The following SCHIP1 variants were observed in gnomAD, a reference collection of about 807,000 sequenced individuals.
SCHIP1 encodes the protein schwannomin interacting protein 1.
In SCHIP1, 8 loss-of-function variants were observed where a neutral mutation model predicts 29.7. The ratio of observed to expected loss-of-function variants is 0.27; its 90% CI spans 0.16 to 0.49. The LOEUF (loss-of-function observed/expected upper bound fraction) is 0.49, where lower values mean the gene tolerates loss of function less well. Among genes scored for constraint, SCHIP1 ranks in the 20% least tolerant of loss-of-function variants. The probability of loss-of-function intolerance (pLI) is 0.99; values close to 1 mark genes in which losing one functional copy is unlikely to be tolerated. For missense variants in SCHIP1, 193 were observed against 294.6 expected (o/e 0.66, Z 2.52); for synonymous variants, 76 against 94.9 (o/e 0.80, Z 1.16).
the SCHIP1 span, among the ~76,000 whole-genome samples, chr3:159,782,122 G>A: frequency 6.6e-6 from 1 of 152,204 alleles, no homozygotes; most frequent in Non-Finnish European, 1.5e-5. Flanking sequence ...ATCTGCGGCA[G>A]CATGTCCAGC....
the SCHIP1 span, among the ~76,000 whole-genome samples, chr3:159,696,161 G>A: frequency 6.6e-6 from 1 of 152,018 alleles, no homozygotes; most frequent in Non-Finnish European, 1.5e-5. Context: ...AAACTCCTTG[G>A]TTTATAACAA....
chr3:159,388,679 A>G, the SCHIP1 span, among the ~76,000 whole-genome samples: 1 of 152,144 alleles, frequency 6.6e-6, no homozygotes, highest in Non-Finnish European at 1.5e-5. Flanking sequence ...CTGTAAGGTC[A>G]CTGTAATTTA....
At chr3:159,544,708 T>C in the SCHIP1 span, among the ~76,000 whole-genome samples, 1 of 152,126 alleles carries the variant, frequency 6.6e-6, no homozygotes, top group South Asian at 2.1e-4. Flanking sequence ...TTCTTTTTCT[T>C]ATTGATATGT....
At chr3:159,493,760 C>T in the SCHIP1 span, among the ~76,000 whole-genome samples, 2 of 152,156 alleles carry the variant, frequency 1.3e-5, no homozygotes, top group African/African-American at 2.4e-5. Context: ...ACCTAATAGA[C>T]ATCCACAGAA....
chr3:159,548,688 A>G, the SCHIP1 span, among the ~76,000 whole-genome samples: 1 of 152,006 alleles, frequency 6.6e-6, no homozygotes, highest in African/African-American at 2.4e-5. Flanking sequence ...TCTACTAAAT[A>G]TATCTAGTTT....
At chr3:159,771,655 G>A in the SCHIP1 span, among the ~76,000 whole-genome samples, 37,365 of 150,346 alleles carry the variant, frequency 0.25, 4,868 homozygotes, top group East Asian at 0.45. Context: ...ATGTACTCTA[G>A]ACTTCAAAGA....
chr3:159,420,124 G>A, the SCHIP1 span, among the ~76,000 whole-genome samples: 1 of 152,196 alleles, frequency 6.6e-6, no homozygotes, highest in Non-Finnish European at 1.5e-5. Context: ...GGGAAACAGG[G>A]CATAGATTTA....
the SCHIP1 span, among the ~76,000 whole-genome samples, chr3:159,722,986 G>T: frequency 3.1e-3 from 473 of 152,268 alleles, 1 homozygote; most frequent in Middle Eastern, 0.027. Flanking sequence ...TCCTCCCCTG[G>T]CTATAGCAAT....
At chr3:159,614,879 G>A in the SCHIP1 span, among the ~76,000 whole-genome samples, 1 of 152,206 alleles carries the variant, frequency 6.6e-6, no homozygotes, top group East Asian at 1.9e-4. Flanking sequence ...GCGTGCAAGG[G>A]ACACGAAGTG....
chr3:159,552,636 T>A, the SCHIP1 span, among the ~76,000 whole-genome samples: 4 of 152,204 alleles, frequency 2.6e-5, no homozygotes, highest in African/African-American at 7.2e-5. Context: ...GGACACAGGA[T>A]TTTGTGATTA....
chr3:159,823,698 C>T, the SCHIP1 span, among the ~76,000 whole-genome samples: 2 of 152,148 alleles, frequency 1.3e-5, no homozygotes, highest in Non-Finnish European at 1.5e-5. Context: ...ATGTAATTCT[C>T]GACATAAATG....
At chr3:159,465,906 TTAAA>T in the SCHIP1 span, among the ~76,000 whole-genome samples, 2 of 152,154 alleles carry the variant, frequency 1.3e-5, no homozygotes, top group South Asian at 4.1e-4. Context: ...CATTATTGAC[TTAAA>T]TAAAATGAAC....
chr3:159,504,328 C>T, the SCHIP1 span, among the ~76,000 whole-genome samples: 1 of 152,122 alleles, frequency 6.6e-6, no homozygotes, highest in Non-Finnish European at 1.5e-5. Flanking sequence ...GAATATCTTG[C>T]ATATGAAGCC....
the SCHIP1 span, among the ~76,000 whole-genome samples, chr3:159,812,362 G>A: frequency 1.3e-5 from 2 of 152,096 alleles, no homozygotes; most frequent in Admixed American, 6.5e-5. Context: ...AGGCCAAATT[G>A]AACTCATGAT....
chr3:159,449,874 GAAGA>G, the SCHIP1 span, among the ~76,000 whole-genome samples: 32 of 151,322 alleles, frequency 2.1e-4, no homozygotes, highest in African/African-American at 7.1e-4. Context: ...AAGCATGAAG[GAAGA>G]AAGAAAGAAG....
the SCHIP1 span, among the ~76,000 whole-genome samples, chr3:159,432,155 T>C: frequency 4.6e-5 from 7 of 152,090 alleles, no homozygotes; most frequent in African/African-American, 7.2e-5. Context: ...GGATCCAAGA[T>C]AGATTGCTCT....
the SCHIP1 span, among the ~76,000 whole-genome samples, chr3:159,451,318 G>C: frequency 6.6e-6 from 1 of 152,212 alleles, no homozygotes; most frequent in Admixed American, 6.5e-5. Flanking sequence ...ATGCCAGTGG[G>C]CAAGAGTGTT....
the SCHIP1 span, among the ~76,000 whole-genome samples, chr3:159,443,561 T>G: frequency 8.6e-5 from 13 of 151,986 alleles, no homozygotes; most frequent in Admixed American, 8.5e-4. Flanking sequence ...CAGGCTGGAG[T>G]ACAGTGGTGC....
the SCHIP1 span, among the ~76,000 whole-genome samples, chr3:159,687,866 CTG>C: frequency 6.6e-6 from 1 of 152,146 alleles, no homozygotes; most frequent in African/African-American, 2.4e-5. Context: ...TTTTCTGTTT[CTG>C]TGTTAGTTTG....
Sources: allele counts gnomAD v4.1 joint callset (sites outside exome capture counted in the v4.1 genomes callset), GRCh38; gene constraint gnomAD v4.1.1; transcripts MANE v1.5; gene names NCBI Gene and HGNC (gene_info 2026-07-23, HGNC 2026-07-21).